The following LRRC7 variants were observed in gnomAD, a reference collection of about 807,000 sequenced individuals.
The protein encoded by LRRC7 is leucine-rich repeat-containing protein 7.
LRRC7 carries 23 observed loss-of-function variants against 175.7 expected under a neutral mutation model. The observed-to-expected ratio is 0.13, with a 90% CI of 0.09 to 0.19. LRRC7 has a LOEUF of 0.19. Among genes scored for constraint, LRRC7 ranks in the 10% least tolerant of loss-of-function variants. LRRC7 has a pLI of 1.00. For synonymous variants in LRRC7, 685 were observed against 680.9 expected (o/e 1.01, Z -0.09); for missense variants, 1,354 against 1,904.7 (o/e 0.71, Z 5.38).
At chr1:69,765,295 T>C (rs578152408) in intron 3 of LRRC7, among the ~76,000 whole-genome samples, 99 of 152,234 alleles carry the variant, frequency 6.5e-4, no homozygotes, top group African/African-American at 2.2e-3. Flanking sequence ...CCAAAGACTA[T>C]GTATTAGGAA....
rs548620775 is a variant in LRRC7 at position 69,620,170 on chromosome 1, C to T, written c.2+51529C>T. ...CAATATTAAAGAAATTTGCAACATT[C>T]TTCTCACTATTTTTTTCTTTTAGAA... On this transcript the variant is annotated intron_variant, in intron 1 of 26. Coordinates refer to ENST00000651989, the MANE Select transcript of LRRC7 (RefSeq NM_001370785.2). Among the ~76,000 whole-genome samples the T allele has an allele frequency of 2.4e-4, 36 of 152,196 alleles. 1 individual carries two copies. The South Asian group carries it at 7.3e-3, about 31-fold the overall frequency.
intron 1 of LRRC7, among the ~76,000 whole-genome samples, chr1:69,570,679 G>GT (rs1286158079): frequency 1.3e-5 from 2 of 150,678 alleles, no homozygotes; most frequent in Admixed American, 1.3e-4. Context: ...TTTGTTTGTT[G>GT]TTTTTTGTTT....
intron 22 of LRRC7, among the ~76,000 whole-genome samples, chr1:70,044,409 A>T: frequency 6.7e-6 from 1 of 150,156 alleles, no homozygotes; most frequent in East Asian, 2.0e-4. Context: ...GTTTTTCTTT[A>T]TTTTGTGTTT....
In LRRC7 at chr1:69,865,469, C is replaced by CTTTTTTTTTT. The variant is rs532063540; in HGVS notation, c.647+27202_647+27211dup. Among the ~76,000 whole-genome samples, 178 of 51,254 alleles carry CTTTTTTTTTT rather than the reference C, an allele frequency of 3.5e-3. 51 individuals are homozygous for CTTTTTTTTTT. The highest frequency in any genetic ancestry group is 3.9e-3 in the Non-Finnish European group (114 of 29,410). 33.6% of individuals were successfully genotyped at this position (51,254 alleles called of 152,430 possible). A position where few individuals can be genotyped will look rare whatever the true frequency, so the allele number is the denominator to read the frequency against. On this transcript the variant is annotated intron_variant, in intron 7 of 26. Transcript: ENST00000651989. ...ATAAGCAAGCTGCTGAAGACAGTTC[C>CTTTTTTTTTT]TTTTTTTTTTTTTTTTTTTTTTTTT... is the stretch of plus-strand genomic sequence containing the variant.
At chr1:69,939,031 CTATA>C (rs1245921796) in intron 8 of LRRC7, among the ~76,000 whole-genome samples, 1 of 58,256 alleles carries the variant, frequency 1.7e-5, no homozygotes, top group African/African-American at 5.2e-5. Context: ...ATATATATAT[CTATA>C]TATATCTATA....
chr1:69,775,234 A>T (rs897496021), intron 3 of LRRC7, among the ~76,000 whole-genome samples: 1 of 152,222 alleles, frequency 6.6e-6, no homozygotes, highest in Non-Finnish European at 1.5e-5. Context: ...AAAAGTAAAA[A>T]TGTAATTTCA....
intron 18 of LRRC7, among the ~76,000 whole-genome samples, chr1:70,034,793 A>G (rs1422443597): frequency 2.0e-5 from 3 of 152,190 alleles, no homozygotes; most frequent in Non-Finnish European, 4.4e-5. Flanking sequence ...TTTTATTGAA[A>G]TATTCTATTT....
intron 2 of LRRC7, among the ~76,000 whole-genome samples, chr1:69,709,881 A>G (rs2100729091): frequency 6.6e-6 from 1 of 152,286 alleles, no homozygotes; most frequent in South Asian, 2.1e-4. Flanking sequence ...TCTTATGATA[A>G]TGGTAGGGAG....
intron 24 of LRRC7, among the ~76,000 whole-genome samples, chr1:70,087,120 A>G (rs1008486395): frequency 6.6e-6 from 1 of 152,196 alleles, no homozygotes; most frequent in Non-Finnish European, 1.5e-5. Flanking sequence ...CTTATTAAAA[A>G]ATATTAAGGC....
chr1:70,059,612 T>C (rs887455436), intron 23 of LRRC7, among the ~76,000 whole-genome samples: 9 of 151,502 alleles, frequency 5.9e-5, no homozygotes, highest in Non-Finnish European at 1.3e-4. Flanking sequence ...TTTTTAAAGA[T>C]TTTTTTATTA....
At chr1:69,977,983 A>G (rs1652999754) in intron 8 of LRRC7, among the ~76,000 whole-genome samples, 1 of 152,032 alleles carries the variant, frequency 6.6e-6, no homozygotes, top group South Asian at 2.1e-4. Context: ...AACCTTGCCC[A>G]GTGGGCAGCC....
intron 4 of LRRC7, among the ~76,000 whole-genome samples, chr1:69,800,721 C>T (rs1483245324): frequency 6.6e-6 from 1 of 151,736 alleles, no homozygotes; most frequent in South Asian, 2.1e-4. Flanking sequence ...AGCTTGAATG[C>T]TTTTTATTTC....
At chr1:69,738,486 G>C (rs988885545) in intron 2 of LRRC7, among the ~76,000 whole-genome samples, 2 of 151,650 alleles carry the variant, frequency 1.3e-5, no homozygotes, top group Admixed American at 1.3e-4. Context: ...AATTCATTAA[G>C]TATCTTATAA....
At chr1:69,691,206 C>A (rs1661812463) in intron 2 of LRRC7, among the ~76,000 whole-genome samples, 1 of 152,032 alleles carries the variant, frequency 6.6e-6, no homozygotes, top group Non-Finnish European at 1.5e-5. Context: ...ATTTTTGTTT[C>A]TTGTTTCTCC....
At chr1:69,827,047 C>T (rs1679993822) in intron 5 of LRRC7, among the ~76,000 whole-genome samples, 1 of 152,004 alleles carries the variant, frequency 6.6e-6, no homozygotes, top group Non-Finnish European at 1.5e-5. Context: ...TTAAAAATTA[C>T]AGTTTTTCTT....
intron 2 of LRRC7, among the ~76,000 whole-genome samples, chr1:69,751,437 AAAAG>A (rs1669835366): frequency 6.6e-6 from 1 of 152,298 alleles, no homozygotes; most frequent in South Asian, 2.1e-4. Flanking sequence ...TAAAGAAAGG[AAAAG>A]AAAGACATAA....
intron 7 of LRRC7, among the ~76,000 whole-genome samples, chr1:69,855,644 G>T (rs1005646516): frequency 6.6e-6 from 1 of 152,062 alleles, no homozygotes; most frequent in East Asian, 1.9e-4. Context: ...TATTAGGTCT[G>T]CTTGGTGCGG....
intron 2 of LRRC7, among the ~76,000 whole-genome samples, chr1:69,731,718 A>C (rs12736836): frequency 0.14 from 21,313 of 152,228 alleles, 3,832 homozygotes; most frequent in African/African-American, 0.42. Context: ...CAATGTCCAA[A>C]GTATTAAAAG....
At chr1:69,973,293 T>G (rs1368198666) in intron 8 of LRRC7, among the ~76,000 whole-genome samples, 3 of 151,362 alleles carry the variant, frequency 2.0e-5, no homozygotes, top group Non-Finnish European at 4.4e-5. Flanking sequence ...GGGGAAAGGG[T>G]AGGAAAAGGG....
Sources: allele counts gnomAD v4.1 joint callset (sites outside exome capture counted in the v4.1 genomes callset), GRCh38; gene constraint gnomAD v4.1.1; transcripts MANE v1.5; gene names NCBI Gene and HGNC (gene_info 2026-07-23, HGNC 2026-07-21).